PCDHGB2: variants seen among roughly 807,000 people sequenced by gnomAD.
The protein encoded by PCDHGB2 is protocadherin gamma-B2.
In PCDHGB2, 55 loss-of-function variants were observed where a neutral mutation model predicts 59.3. The observed-to-expected ratio is 0.93, with a 90% CI of 0.75 to 1.16. PCDHGB2 has a LOEUF of 1.16. Among genes scored for constraint, PCDHGB2 ranks in the 50% most tolerant of loss-of-function variants. The pLI, the probability that PCDHGB2 is intolerant of heterozygous loss-of-function variation, is 0.00. For missense variants in PCDHGB2, 1,228 were observed against 1,198.5 expected (o/e 1.02, Z -0.36); for synonymous variants, 516 against 512.0 (o/e 1.01, Z -0.11).
intron 1 of PCDHGB2, among the ~76,000 whole-genome samples, chr5:141,472,688 A>G (rs970538300): frequency 2.0e-5 from 3 of 151,384 alleles, no homozygotes; most frequent in African/African-American, 7.3e-5. Context: ...CATTTCCCCT[A>G]GAAATAAGTG....
rs1193620622 is a variant in PCDHGB2, at chr5:141,512,906, G to A, written c.*1733G>A. On this transcript the variant is annotated 3_prime_UTR_variant, in exon 4 of 4. Coordinates refer to ENST00000522605, the MANE Select transcript of PCDHGB2 (RefSeq NM_018923.3). ...CACCCTCTTCCTGTGTCTCACGCAA[G>A]TTTTATACTCTAATATTTATATGGC... 2.0e-5 allele frequency: 3 copies of A among 152,206 alleles called. No homozygotes were observed. Among genetic ancestry groups the A allele is most frequent in the African/African-American group, 7.2e-5 (3 of 41,438 alleles). The allele number at this position is 152,206 out of a possible 1,614,324, so 9.4% of individuals were successfully genotyped here.
Position 141,432,038 on chromosome 5 carries a change from C to A in PCDHGB2, c.2422-62769C>A. On this transcript the variant is annotated intron_variant, in intron 1 of 3. Transcript: ENST00000522605. The surrounding 1 kb of genome is among the most constrained non-coding windows in gnomAD (Gnocchi z 6.0). ...CAACATCACAGTGACCGCCACTGAC[C>A]GGGGAACCCCGCCCCTATCCACGGA... 1 of 1,614,190 alleles carries A rather than the reference C, an allele frequency of 6.2e-7. No homozygotes were observed. The highest frequency in any genetic ancestry group is 1.1e-5 in the South Asian group (1 of 91,072).
chr5:141,429,851 TC>T (rs1447325775), intron 1 of PCDHGB2, among the ~76,000 whole-genome samples: 2 of 152,224 alleles, frequency 1.3e-5, no homozygotes, highest in African/African-American at 4.8e-5. Context: ...TCTGTAACAT[TC>T]TTTGGACTAC....
intron 1 of PCDHGB2, chr5:141,409,428 C>T (rs2095264686): frequency 6.2e-7 from 1 of 1,613,870 alleles, no homozygotes; most frequent in Admixed American, 1.7e-5. Context: ...ACAGATGGAG[C>T]CCTGGACCGA....
intron 1 of PCDHGB2, chr5:141,364,901 T>C (rs867026353): frequency 1.9e-6 from 3 of 1,613,962 alleles, no homozygotes; most frequent in Middle Eastern, 3.3e-4. Context: ...TGGACAAAAG[T>C]ATCCGGAGCT....
intron 1 of PCDHGB2, among the ~76,000 whole-genome samples, chr5:141,438,921 C>T (rs1204218608): frequency 6.6e-6 from 1 of 151,970 alleles, no homozygotes; most frequent in Non-Finnish European, 1.5e-5. Context: ...CTGCCTTGGC[C>T]TCCCAAAGTG....
intron 3 of PCDHGB2, 72 bp from the exon 4 acceptor site, chr5:141,510,875 C>T: frequency 6.2e-7 from 1 of 1,610,120 alleles, no homozygotes; most frequent in Admixed American, 1.7e-5. Context: ...TCATTAACTG[C>T]TGGGGATATA....
At chr5:141,419,917 T>C in intron 1 of PCDHGB2, 1 of 1,612,890 alleles carries the variant, frequency 6.2e-7, no homozygotes, top group Non-Finnish European at 8.5e-7. Context: ...ACTCCCAGGC[T>C]GAGATGCAGT....
chr5:141,360,835 G>A lies in PCDHGB2; in HGVS notation c.700G>A (p.Asp234Asn). ...GTTQIRIKVT[D>N]ANDNPPVFSQ... The stretch of plus-strand genomic sequence containing the variant: ...GACCCAAATCCGAATCAAAGTCACG[G>A]ATGCCAACGATAACCCTCCAGTGTT... Residue 234 changes from aspartate (D) to asparagine (N), a missense_variant, in exon 1 of 4, where the codon GAT becomes AAT. Transcript: ENST00000522605. 3 of 1,613,956 alleles carry A rather than the reference G, an allele frequency of 1.9e-6. No individual in the cohort carries two copies. The highest frequency in any genetic ancestry group is 2.5e-6 in the Non-Finnish European group (3 of 1,179,902).
chr5:141,428,861 T>G (rs1435613271), intron 1 of PCDHGB2: 1 of 73,058 alleles, frequency 1.4e-5, no homozygotes, highest in Non-Finnish European at 2.5e-5. Flanking sequence ...TACGGGAGAC[T>G]TTTTTTTTTT....
chr5:141,435,558 T>C (rs1401876733), intron 1 of PCDHGB2, among the ~76,000 whole-genome samples: 1 of 152,136 alleles, frequency 6.6e-6, no homozygotes, highest in Non-Finnish European at 1.5e-5. Flanking sequence ...TTTTGAGTGC[T>C]TTTTTTAGTA....
chr5:141,417,896 C>G, intron 1 of PCDHGB2: 1 of 1,576,868 alleles, frequency 6.3e-7, no homozygotes, highest in Non-Finnish European at 8.6e-7. Flanking sequence ...CCGGGCCGGC[C>G]CGCGGCAGGT....
At chr5:141,445,249 G>A (rs1337658576) in intron 1 of PCDHGB2, among the ~76,000 whole-genome samples, 2 of 152,170 alleles carry the variant, frequency 1.3e-5, no homozygotes, top group South Asian at 4.1e-4. Flanking sequence ...ACTATATTGT[G>A]TGAGAATATA....
In PCDHGB2 at chr5:141,493,356, C is replaced by G. The variant is rs1303319550; in HGVS notation, c.2422-1451C>G. On this transcript the variant is annotated intron_variant, in intron 1 of 3. Transcript: ENST00000522605. The surrounding 1 kb of genome is among the most constrained non-coding windows in gnomAD (Gnocchi z 4.3). ...ACTCCAGAATGTGTGCTTTTAATTT[C>G]TTGGCACTTGGAACTTTAAAAGCTT... Among the ~76,000 whole-genome samples the G allele has an allele frequency of 6.6e-6, 1 of 152,182 alleles. No individual in the cohort carries two copies. The highest frequency in any genetic ancestry group is 1.5e-5 in the Non-Finnish European group (1 of 68,032).
At chr5:141,373,460 C>G (rs919686552) in intron 1 of PCDHGB2, among the ~76,000 whole-genome samples, 2 of 152,198 alleles carry the variant, frequency 1.3e-5, no homozygotes, top group African/African-American at 4.8e-5. Flanking sequence ...GAGGTAGCAG[C>G]TGCAATGAGC....
chr5:141,423,755 G>GGGA, intron 1 of PCDHGB2: 3 of 512,508 alleles, frequency 5.9e-6, no homozygotes, highest in Non-Finnish European at 7.8e-6. Flanking sequence ...CTGTTTGGGG[G>GGGA]GGGGGTGGGG....
chr5:141,485,314 T>G lies in PCDHGB2; in HGVS notation c.2422-9493T>G. Reference sequence around the variant, plus strand: ...CACAGGAAGGGACTTTTGTAGGGAATGTCGCTCAAGATTTCCTGCTGGATA... The same window carrying G: ...CACAGGAAGGGACTTTTGTAGGGAAGGTCGCTCAAGATTTCCTGCTGGATA... On this transcript the variant is annotated intron_variant, in intron 1 of 3. Coordinates refer to ENST00000522605, the MANE Select transcript of PCDHGB2 (RefSeq NM_018923.3). This position sits in a 1 kb window ranked among gnomAD's most constrained non-coding sequence, Gnocchi z 5.7. 1 of 1,614,150 alleles carries G rather than the reference T, an allele frequency of 6.2e-7. No individual in the cohort carries two copies. The highest frequency in any genetic ancestry group is 8.5e-7 in the Non-Finnish European group (1 of 1,180,032).
At position 141,361,665 on chromosome 5, in the gene PCDHGB2, G is replaced by T; in HGVS notation, c.1530G>T (p.Gln510His). ...TATCCTACGTGTCCGTGAGCGCGCA[G>T]AGCGGGGTGGTGTTCGCGCAGCGCG... ...EILSYVSVSA[Q>H]SGVVFAQRAF... Residue 510 changes from glutamine to histidine, a missense_variant, in exon 1 of 4, where the codon CAG (glutamine) becomes CAT (histidine). Transcript: ENST00000522605. 6.2e-7 allele frequency: 1 copy of T among 1,613,696 alleles called. No homozygotes were observed.
intron 1 of PCDHGB2, among the ~76,000 whole-genome samples, chr5:141,461,391 G>A (rs1310387476): frequency 1.3e-5 from 2 of 152,058 alleles, no homozygotes; most frequent in East Asian, 1.9e-4. Context: ...GATGATTAGC[G>A]ATGTTGAGCA....
Sources: gnomAD v4.1 joint callset for allele counts (sites outside exome capture counted in the v4.1 genomes callset) on GRCh38, gnomAD v4.1.1 for gene constraint, Gnocchi (gnomAD v3.1) non-coding constraint, MANE v1.5 for transcripts, NCBI Gene and HGNC (gene_info 2026-07-23, HGNC 2026-07-21) for gene names.